KIAA1217: variants seen among roughly 807,000 people sequenced by gnomAD.
KIAA1217 encodes KIAA1217.
In KIAA1217, 88 loss-of-function variants were observed where a neutral mutation model predicts 163.9. The observed-to-expected ratio is 0.54, with a 90% CI of 0.45 to 0.64. KIAA1217 has a LOEUF of 0.64. Ranked by LOEUF, KIAA1217 falls within the 30% of genes least tolerant of loss-of-function variation. KIAA1217 has a pLI of 0.00. For missense variants in KIAA1217, 2,372 were observed against 2,475.0 expected (o/e 0.96, Z 0.88); for synonymous variants, 903 against 923.1 (o/e 0.98, Z 0.39).
chr10:24,020,620 T>C lies in KIAA1217; in HGVS notation c.-171+13246T>C, dbSNP rs1847692116. Among the ~76,000 whole-genome samples the C allele has an allele frequency of 2.6e-5, 4 of 152,018 alleles. No individual in the cohort carries two copies. The South Asian group carries it at 8.3e-4, about 31-fold the overall frequency. ...TTTAACATGTTCCCCAATACACATATATACACACACTGAAAGTAGAAGCCT... is the reference window on the plus strand; with the variant it reads ...TTTAACATGTTCCCCAATACACATACATACACACACTGAAAGTAGAAGCCT... On this transcript the variant is annotated intron_variant, in intron 2 of 18. Transcript: ENST00000376462.
At chr10:24,491,479 G>A (rs966063589) in intron 6 of KIAA1217, among the ~76,000 whole-genome samples, 1 of 151,702 alleles carries the variant, frequency 6.6e-6, no homozygotes, top group East Asian at 1.9e-4. Context: ...TAGTAGAGAC[G>A]GGATTTCACC....
intron 2 of KIAA1217, among the ~76,000 whole-genome samples, chr10:24,023,808 C>T (rs907195358): frequency 6.6e-6 from 1 of 151,516 alleles, no homozygotes; most frequent in South Asian, 2.1e-4. Flanking sequence ...ATACGTATGA[C>T]AACATGGATG....
At chr10:24,419,817 T>C (rs1182939568) in intron 3 of KIAA1217, among the ~76,000 whole-genome samples, 1 of 152,110 alleles carries the variant, frequency 6.6e-6, no homozygotes, top group Non-Finnish European at 1.5e-5. Context: ...ACAATGTATA[T>C]TATTGTTTTG....
intron 5 of KIAA1217, among the ~76,000 whole-genome samples, chr10:24,457,330 G>A (rs1393154843): frequency 6.6e-6 from 1 of 151,602 alleles, no homozygotes; most frequent in Non-Finnish European, 1.5e-5. Flanking sequence ...AGAACTTTTT[G>A]TTTGTTTTTT....
intron 2 of KIAA1217, among the ~76,000 whole-genome samples, chr10:24,011,528 G>C (rs1332954714): frequency 6.6e-6 from 1 of 151,994 alleles, no homozygotes; most frequent in East Asian, 1.9e-4. Context: ...AAAAAGCAGA[G>C]AAAGAGTCTC....
intron 1 of KIAA1217, among the ~76,000 whole-genome samples, chr10:24,002,876 C>T (rs988376198): frequency 6.6e-6 from 1 of 152,214 alleles, no homozygotes; most frequent in African/African-American, 2.4e-5. Flanking sequence ...TGTTTAGCTC[C>T]GAAGTTATAA....
chr10:23,707,299 G>A (rs1389419116), intron 1 of KIAA1217, among the ~76,000 whole-genome samples: 1 of 152,132 alleles, frequency 6.6e-6, no homozygotes, highest in East Asian at 1.9e-4. Context: ...GTGAAGGAAG[G>A]CCAGTGCTGG....
At chr10:24,368,767 A>G (rs2051146671) in intron 2 of KIAA1217, 1 of 785,212 alleles carries the variant, frequency 1.3e-6, no homozygotes, top group Non-Finnish European at 1.5e-6. Flanking sequence ...GGATCCCAGA[A>G]GCTACGGGAC....
At chr10:24,128,135 T>C (rs746595326) in intron 2 of KIAA1217, among the ~76,000 whole-genome samples, 2 of 152,234 alleles carry the variant, frequency 1.3e-5, no homozygotes, top group Non-Finnish European at 2.9e-5. Flanking sequence ...AGCTGCATGA[T>C]GAGAGCGGAG....
intron 2 of KIAA1217, among the ~76,000 whole-genome samples, chr10:24,364,441 A>C (rs1211620829): frequency 2.0e-5 from 3 of 152,222 alleles, no homozygotes; most frequent in Non-Finnish European, 4.4e-5. Context: ...CTTTCCACAC[A>C]GATGGAACCT....
chr10:24,033,836 A>T (rs1352375674), intron 2 of KIAA1217, among the ~76,000 whole-genome samples: 2 of 152,232 alleles, frequency 1.3e-5, no homozygotes, highest in African/African-American at 4.8e-5. Flanking sequence ...ATTCACTGGC[A>T]TTTTGTCTAT....
rs530933170 is a variant in KIAA1217 at position 24,201,783 on chromosome 10, G to A, written c.-170-17843G>A. Among the ~76,000 whole-genome samples, 24 of 152,248 alleles carry A rather than the reference G, an allele frequency of 1.6e-4. No individual in the cohort carries two copies. In the South Asian group the frequency reaches 4.6e-3, roughly 29 times the overall value. ...TAAAAATACTTAACTTCTGAAGCACGTGACTGGCTTTCAAGAATTCTATAA... is the reference window on the plus strand; with the variant it reads ...TAAAAATACTTAACTTCTGAAGCACATGACTGGCTTTCAAGAATTCTATAA... On this transcript the variant is annotated intron_variant, in intron 2 of 18. Transcript: ENST00000376462.
chr10:23,891,243 G>A (rs1181926810), intron 1 of KIAA1217, among the ~76,000 whole-genome samples: 1 of 151,898 alleles, frequency 6.6e-6, no homozygotes, highest in Non-Finnish European at 1.5e-5. Flanking sequence ...TGTACCAATT[G>A]ATGTTATTGT....
intron 2 of KIAA1217, among the ~76,000 whole-genome samples, chr10:24,041,718 C>T (rs977799496): frequency 2.6e-5 from 4 of 152,108 alleles, no homozygotes; most frequent in South Asian, 2.1e-4. Flanking sequence ...GGTGGGCATT[C>T]GTTTCACGGT....
At chr10:23,983,200 T>C (rs1039165233) in intron 1 of KIAA1217, among the ~76,000 whole-genome samples, 1 of 152,106 alleles carries the variant, frequency 6.6e-6, no homozygotes, top group African/African-American at 2.4e-5. Context: ...TTCAGTGGGA[T>C]GGGATGCATA....
chr10:24,279,024 A>G (rs2077608159), intron 2 of KIAA1217, among the ~76,000 whole-genome samples: 1 of 151,640 alleles, frequency 6.6e-6, no homozygotes, highest in East Asian at 1.9e-4. Context: ...TAATTTTTGT[A>G]TTTATAGTAG....
intron 1 of KIAA1217, among the ~76,000 whole-genome samples, chr10:23,984,030 C>T (rs1845873583): frequency 6.6e-6 from 1 of 152,202 alleles, no homozygotes; most frequent in Non-Finnish European, 1.5e-5. Flanking sequence ...CTGGGAGGTA[C>T]ATAGCAGTCA....
At chr10:23,759,700 G>A (rs545224665) in intron 1 of KIAA1217, among the ~76,000 whole-genome samples, 1 of 152,340 alleles carries the variant, frequency 6.6e-6, no homozygotes, top group South Asian at 2.1e-4. Context: ...TAATGGTGTA[G>A]TGAGATAAGA....
At chr10:23,945,040 C>T (rs943798167) in intron 1 of KIAA1217, among the ~76,000 whole-genome samples, 8 of 128,502 alleles carry the variant, frequency 6.2e-5, no homozygotes, top group African/African-American at 2.2e-4. Context: ...GCCTGGGCAA[C>T]AGAACAAGAC....
Sources: gnomAD v4.1 joint callset for allele counts (sites outside exome capture counted in the v4.1 genomes callset) on GRCh38, gnomAD v4.1.1 for gene constraint, MANE v1.5 for transcripts, NCBI Gene and HGNC (gene_info 2026-07-23, HGNC 2026-07-21) for gene names.